The following PDE4D variants were observed in gnomAD, a reference collection of about 807,000 sequenced individuals.
PDE4D encodes the protein phosphodiesterase 4D.
In PDE4D, 24 loss-of-function variants were observed where a neutral mutation model predicts 87.4. The ratio of observed to expected loss-of-function variants is 0.27; its 90% CI spans 0.20 to 0.39. PDE4D has a LOEUF of 0.39. Among genes scored for constraint, PDE4D ranks in the 10% least tolerant of loss-of-function variants. The probability of loss-of-function intolerance (pLI) is 1.00; values close to 1 mark genes in which losing one functional copy is unlikely to be tolerated. For synonymous variants in PDE4D, 384 were observed against 383.2 expected, an observed-to-expected ratio of 1.00 and a Z score of -0.02; for missense variants, 714 against 1,041.0, an observed-to-expected ratio of 0.69 and a Z score of 4.32.
chr5:59,517,117 G>A (rs1811306329), intron 1 of PDE4D, among the ~76,000 whole-genome samples: 1 of 151,628 alleles, frequency 6.6e-6, no homozygotes, highest in African/African-American at 2.4e-5. Flanking sequence ...TAGCTTTCTT[G>A]ATTTAATATA....
chr5:59,501,491 A>C (rs917391970), intron 1 of PDE4D, among the ~76,000 whole-genome samples: 5 of 152,204 alleles, frequency 3.3e-5, no homozygotes. Context: ...ATGTATCAGC[A>C]TATGAGAGCA....
At chr5:59,198,141 A>G (rs1441397753) in intron 2 of PDE4D, among the ~76,000 whole-genome samples, 1 of 152,228 alleles carries the variant, frequency 6.6e-6, no homozygotes, top group Non-Finnish European at 1.5e-5. Context: ...TTTCATTTAA[A>G]TAAAAACAAT....
intron 1 of PDE4D, among the ~76,000 whole-genome samples, chr5:59,585,282 C>T (rs534489051): frequency 6.6e-6 from 1 of 152,256 alleles, no homozygotes; most frequent in East Asian, 1.9e-4. Context: ...TGTAACAAAC[C>T]AGCAGGTGAT....
intron 1 of PDE4D, among the ~76,000 whole-genome samples, chr5:60,509,524 A>T (rs1429816973): frequency 6.6e-6 from 1 of 152,168 alleles, no homozygotes; most frequent in Non-Finnish European, 1.5e-5. Flanking sequence ...TTTTCTCTCC[A>T]TTCAACTATT....
chr5:60,408,513 T>C (rs959376888), intron 1 of PDE4D, among the ~76,000 whole-genome samples: 3 of 152,244 alleles, frequency 2.0e-5, no homozygotes, highest in African/African-American at 7.2e-5. Flanking sequence ...ACCTTCCTTC[T>C]GTCAATCACA....
At chr5:59,416,123 C>T (rs1039515331) in intron 1 of PDE4D, among the ~76,000 whole-genome samples, 12 of 152,238 alleles carry the variant, frequency 7.9e-5, no homozygotes, top group African/African-American at 2.7e-4. Context: ...TCCGGGTCAA[C>T]AATTTCACAG....
intron 1 of PDE4D, among the ~76,000 whole-genome samples, chr5:59,396,138 AC>A (rs1730498803): frequency 8.4e-6 from 1 of 119,498 alleles, no homozygotes; most frequent in Admixed American, 8.2e-5. Context: ...GGAGAATGGA[AC>A]CAAGTTGGAA....
chr5:59,139,647 T>A (rs1561553283), intron 5 of PDE4D, among the ~76,000 whole-genome samples: 2 of 151,806 alleles, frequency 1.3e-5, no homozygotes, highest in East Asian at 3.9e-4. Flanking sequence ...TTATTTTTTT[T>A]ATTTTTATTT....
intron 5 of PDE4D, among the ~76,000 whole-genome samples, chr5:59,077,900 A>G (rs972729207): frequency 1.6e-4 from 24 of 152,194 alleles, no homozygotes; most frequent in Non-Finnish European, 2.5e-4. Flanking sequence ...TATACTGCAG[A>G]TTTTAACCAA....
chr5:60,133,540 G>A (rs1280306526), intron 2 of PDE4D, among the ~76,000 whole-genome samples: 7 of 151,808 alleles, frequency 4.6e-5, no homozygotes, highest in African/African-American at 1.2e-4. Flanking sequence ...ATAACCTGAC[G>A]TAACTATCAT....
intron 1 of PDE4D, among the ~76,000 whole-genome samples, chr5:60,416,956 C>G (rs1742650084): frequency 6.6e-6 from 1 of 152,184 alleles, no homozygotes; most frequent in Admixed American, 6.5e-5. Context: ...TTCATGCTAC[C>G]ATGACTAATC....
At chr5:60,313,374 T>C (rs1330741347) in intron 1 of PDE4D, among the ~76,000 whole-genome samples, 1 of 152,044 alleles carries the variant, frequency 6.6e-6, no homozygotes, top group African/African-American at 2.4e-5. Flanking sequence ...CCTCCCAAGA[T>C]TGAACTAGGA....
At chr5:59,437,839 T>G (rs1464241979) in intron 1 of PDE4D, among the ~76,000 whole-genome samples, 2 of 152,206 alleles carry the variant, frequency 1.3e-5, no homozygotes, top group Non-Finnish European at 2.9e-5. Flanking sequence ...CATGCTGCTA[T>G]GAAGAAATGC....
At chr5:59,998,543 A>G (rs1763726244) in intron 2 of PDE4D, among the ~76,000 whole-genome samples, 1 of 152,174 alleles carries the variant, frequency 6.6e-6, no homozygotes, top group Non-Finnish European at 1.5e-5. Context: ...TAGATTAAGA[A>G]ATCTATACAA....
chr5:60,392,476 A>G (rs1038431872), intron 1 of PDE4D, among the ~76,000 whole-genome samples: 1 of 152,208 alleles, frequency 6.6e-6, no homozygotes, highest in Non-Finnish European at 1.5e-5. Flanking sequence ...CAATGACTGT[A>G]GTTAATTGTA....
chr5:59,430,019 C>A (rs143440230), intron 1 of PDE4D, among the ~76,000 whole-genome samples: 2,331 of 152,202 alleles, frequency 0.015, 73 homozygotes, highest in African/African-American at 0.054. Context: ...CTTTCAAATT[C>A]TCATCATGGG....
rs190675052 is a variant in PDE4D, at chr5:59,704,545, C to T, written c.455+188623G>A. On this transcript the variant is annotated intron_variant, in intron 1 of 14. Coordinates refer to ENST00000340635, the MANE Select transcript of PDE4D (RefSeq NM_001104631.2). ...GAATTTAAATGGTGCCAGCATTGTG[C>T]TGGAAACTGGATAAAAACTGAGATA... Among the ~76,000 whole-genome samples, 1,106 of 152,288 alleles carry T rather than the reference C, an allele frequency of 7.3e-3. 5 individuals are homozygous for T. Among genetic ancestry groups the T allele is most frequent in the Non-Finnish European group, 0.011 (777 of 68,016 alleles).
intron 1 of PDE4D, among the ~76,000 whole-genome samples, chr5:59,708,246 T>C (rs943803160): frequency 2.0e-5 from 3 of 152,112 alleles, no homozygotes; most frequent in Non-Finnish European, 4.4e-5. Flanking sequence ...GTTGGCTGCA[T>C]GAATGTCTTC....
At chr5:59,625,224 G>C (rs185278485) in intron 1 of PDE4D, among the ~76,000 whole-genome samples, 1 of 152,114 alleles carries the variant, frequency 6.6e-6, no homozygotes, top group Non-Finnish European at 1.5e-5. Flanking sequence ...GGTCTTCCAC[G>C]GCTGAGATGA....
Sources: gnomAD v4.1 joint callset for allele counts (sites outside exome capture counted in the v4.1 genomes callset) on GRCh38, gnomAD v4.1.1 for gene constraint, MANE v1.5 for transcripts, NCBI Gene and HGNC (gene_info 2026-07-23, HGNC 2026-07-21) for gene names.